The following RSL1D1 variants were observed in gnomAD, a reference collection of about 807,000 sequenced individuals.
The protein encoded by RSL1D1 is ribosomal L1 domain containing 1.
In RSL1D1, 34 loss-of-function variants were observed where a neutral mutation model predicts 44.6. The observed-to-expected ratio is 0.76, with a 90% confidence interval of 0.58 to 1.02. The LOEUF (loss-of-function observed/expected upper bound fraction) is 1.02, where lower values mean the gene tolerates loss of function less well. Among genes scored for constraint, RSL1D1 ranks in the 50% least tolerant of loss-of-function variants. RSL1D1 has a pLI of 0.00. For missense variants in RSL1D1, 767 were observed against 568.1 expected, an observed-to-expected ratio of 1.35 and a Z score of -3.56; for synonymous variants, 271 against 207.4, an observed-to-expected ratio of 1.31 and a Z score of -2.63.
chr16:11,845,422 A>G (rs1249049781), intron 5 of RSL1D1, among the ~76,000 whole-genome samples: 1 of 152,218 alleles, frequency 6.6e-6, no homozygotes, highest in Non-Finnish European at 1.5e-5. Flanking sequence ...CACTGAGTGC[A>G]GTGGCACGAT....
intron 5 of RSL1D1, among the ~76,000 whole-genome samples, chr16:11,845,069 T>C (rs767098452): frequency 3.9e-5 from 6 of 152,160 alleles, no homozygotes; most frequent in Non-Finnish European, 8.8e-5. Context: ...AATAGGCAGA[T>C]GAACAGGATA....
At chr16:11,851,334 G>C (rs531875114) in intron 1 of RSL1D1, 74 bp downstream of exon 1, 33 of 1,401,942 alleles carry the variant, frequency 2.4e-5, no homozygotes, top group East Asian at 1.8e-4. Flanking sequence ...GCACGCACTC[G>C]GGTTCCGGCA....
Position 11,837,765 on chromosome 16 carries a change from C to G in RSL1D1, c.*22G>C, listed in dbSNP as rs764718878. The G allele has an allele frequency of 6.3e-7, 1 of 1,577,358 alleles. No individual in the cohort carries two copies. The highest frequency in any genetic ancestry group is 8.6e-7 in the Non-Finnish European group (1 of 1,160,958). On this transcript the variant is annotated 3_prime_UTR_variant, in exon 9 of 9. Coordinates refer to ENST00000571133, the MANE Select transcript of RSL1D1 (RefSeq NM_015659.3). ...AGCTCTGGAGGCAGCATTGAGGTTT[C>G]CTTCCAGTTGAATCACTGACTTTAG... is the stretch of plus-strand genomic sequence containing the variant.
At chr16:11,847,899 T>C (rs982205113) in intron 2 of RSL1D1, 93 bp from the exon 3 acceptor site, 4 of 1,298,884 alleles carry the variant, frequency 3.1e-6, no homozygotes, top group East Asian at 2.3e-5. Context: ...CTTAGTGTTA[T>C]TTAAATAACT....
At chr16:11,840,418 T>C (rs1399447975) in intron 7 of RSL1D1, among the ~76,000 whole-genome samples, 6 of 151,916 alleles carry the variant, frequency 3.9e-5, no homozygotes, top group African/African-American at 9.7e-5. Flanking sequence ...CCACAAAAAT[T>C]AGCTGGGCAT....
At chr16:11,847,142 G>A (rs944973082) in intron 3 of RSL1D1, among the ~76,000 whole-genome samples, 2 of 152,158 alleles carry the variant, frequency 1.3e-5, no homozygotes, top group Admixed American at 6.6e-5. Flanking sequence ...TTGGGAGGCC[G>A]AGGTGGGTGG....
chr16:11,850,397 G>A lies in RSL1D1; in HGVS notation c.127C>T (p.Leu43Phe). ...TTCCTGGACTTGCAATGCGTCAAGAGAGCGTCCACTGCCTTTCTAACCTGC... is the reference window on the plus strand; with the variant it reads ...TTCCTGGACTTGCAATGCGTCAAGAAAGCGTCCACTGCCTTTCTAACCTGC... ...KEQVRKAVDALLTHCKSRKNN... is the reference protein window; with the variant it reads ...KEQVRKAVDAFLTHCKSRKNN... The change falls in exon 2 of 9, where the codon CTC (leucine) becomes TTC (phenylalanine). Residue 43 changes from leucine to phenylalanine, a missense_variant. By Grantham distance (22) the Leu-to-Phe change is conservative. Transcript: ENST00000571133. 1 of 1,598,472 alleles carries A rather than the reference G, an allele frequency of 6.3e-7. No homozygotes were observed. The highest frequency in any genetic ancestry group is 8.5e-7 in the Non-Finnish European group (1 of 1,176,188).
Position 11,837,868 on chromosome 16 carries a change from G to T in RSL1D1, c.1392C>A (p.Thr464=), listed in dbSNP as rs183741838. Residue 464 remains threonine (T), a synonymous_variant, in exon 9 of 9, where the codon ACC becomes ACA. Transcript: ENST00000571133. ...TPKKPEAKFF[T]TPSKSVRKAS... Reference sequence around the variant, plus strand: ...CTTTTCTCACAGATTTACTAGGAGTGGTGAAAAACTTGGCCTCTGGCTTTT... The same window carrying T: ...CTTTTCTCACAGATTTACTAGGAGTTGTGAAAAACTTGGCCTCTGGCTTTT... 23 of 1,614,024 alleles carry T rather than the reference G, an allele frequency of 1.4e-5. No homozygotes were observed. In the African/African-American group the frequency reaches 2.5e-4, roughly 18 times the overall value.
chr16:11,839,926 C>G lies in RSL1D1; in HGVS notation c.915G>C (p.Lys305Asn), dbSNP rs2053752926. Residue 305 changes from lysine to asparagine, a missense_variant, in exon 8 of 9, where the codon AAG (lysine) becomes AAC (asparagine). By Grantham distance (94) the Lys-to-Asn change is moderately conservative (BLOSUM62 0). Coordinates refer to ENST00000571133, the MANE Select transcript of RSL1D1 (RefSeq NM_015659.3). ...NFEKQKERKK[K>N]RQQARKTASV... ...ATGCAGTCTTCCTAGCCTGCTGCCT[C>G]TTCTTCTTCCTCTCCTTTTGTTTTT... 1.9e-6 allele frequency: 3 copies of G among 1,613,268 alleles called. No homozygotes were observed. Among genetic ancestry groups the G allele is most frequent in the Non-Finnish European group, 1.7e-6 (2 of 1,179,692 alleles).
At chr16:11,849,140 A>G (rs1424208141) in intron 2 of RSL1D1, 1 of 152,220 alleles carries the variant, frequency 6.6e-6, no homozygotes, top group Non-Finnish European at 1.5e-5. Context: ...TAATCCCAAC[A>G]CTTTGGGAGA....
Position 11,838,034 on chromosome 16 carries a change from G to C in RSL1D1, c.1226C>G (p.Ala409Gly), listed in dbSNP as rs779932368. 9.9e-6 allele frequency: 16 copies of C among 1,613,766 alleles called. No homozygotes were observed. The highest frequency in any genetic ancestry group is 1.0e-5 in the Non-Finnish European group (12 of 1,179,982). The change falls in exon 9 of 9, where the codon GCT becomes GGT. Residue 409 changes from alanine (A) to glycine (G), a missense_variant. Ala to Gly is a moderately conservative substitution (Grantham distance 60, BLOSUM62 0). Coordinates refer to ENST00000571133, the MANE Select transcript of RSL1D1 (RefSeq NM_015659.3). ...TTTTGGGGTCTCAGATGCTGGCAAAGCCTTTCTTTTCTTCCCACGAGGTGT... is the reference window on the plus strand; with the variant it reads ...TTTTGGGGTCTCAGATGCTGGCAAACCCTTTCTTTTCTTCCCACGAGGTGT... ...PSTPRGKKRK[A>G]LPASETPKAA...
At position 11,846,738 on chromosome 16, in the gene RSL1D1, GC is replaced by G; in HGVS notation, c.489del (p.Leu164SerfsTer20). ...DFFLTDARIRRLLPSLIGRHF... is the reference protein window; with the variant it reads ...DFFLTDARIRXLLPSLIGRHF... Reference sequence around the variant, plus strand: ...TGTCTCCCAATGAGTGAGGGTAAGAGCCGCCTAATTCTGGCATCAGTAAGGA... The same window carrying G: ...TGTCTCCCAATGAGTGAGGGTAAGAGCGCCTAATTCTGGCATCAGTAAGGA... On this transcript the variant is annotated frameshift_variant, in exon 4 of 9. Transcript: ENST00000571133. LOFTEE classifies it high-confidence loss of function. The G allele has an allele frequency of 6.2e-7, 1 of 1,614,136 alleles. No homozygotes were observed. The highest frequency in any genetic ancestry group is 8.5e-7 in the Non-Finnish European group (1 of 1,179,992).
Position 11,835,618 on chromosome 16 carries a change from CAAG to C in RSL1D1, c.*2166_*2168del, listed in dbSNP as rs1049277261. On this transcript the variant is annotated 3_prime_UTR_variant, in exon 9 of 9. Coordinates refer to ENST00000571133, the MANE Select transcript of RSL1D1 (RefSeq NM_015659.3). Reference sequence around the variant, plus strand: ...AAGCAATCCTCCCACCTCAGCCTCCCAAGAAGCTGGGACCACAGGCATGTTCCA... The same window carrying C: ...AAGCAATCCTCCCACCTCAGCCTCCCAAGCTGGGACCACAGGCATGTTCCA... The C allele has an allele frequency of 2.0e-5, 3 of 152,304 alleles. No individual in the cohort carries two copies. The highest frequency in any genetic ancestry group is 4.4e-5 in the Non-Finnish European group (3 of 68,182). 9.4% of individuals were successfully genotyped at this position (152,304 alleles called of 1,614,324 possible).
chr16:11,836,828 G>A lies in RSL1D1; in HGVS notation c.*959C>T, dbSNP rs2053723800. On this transcript the variant is annotated 3_prime_UTR_variant, in exon 9 of 9. Coordinates refer to ENST00000571133, the MANE Select transcript of RSL1D1 (RefSeq NM_015659.3). ...ACTCTCATACAGCGAGACCCTCACTGGGCCACTCTGGGAATGACTACAAAT... is the reference window on the plus strand; with the variant it reads ...ACTCTCATACAGCGAGACCCTCACTAGGCCACTCTGGGAATGACTACAAAT... 1.3e-5 allele frequency: 2 copies of A among 152,110 alleles called. No homozygotes were observed. Among genetic ancestry groups the A allele is most frequent in the South Asian group, 4.1e-4 (2 of 4,822 alleles). 9.4% of individuals were successfully genotyped at this position (152,110 alleles called of 1,614,324 possible).
In RSL1D1 at chr16:11,838,246, T is replaced by C. The variant is rs185560528; in HGVS notation, c.1147-133A>G. The C allele has an allele frequency of 6.3e-4, 466 of 735,194 alleles. 1 individual carries two copies. Among genetic ancestry groups the C allele is most frequent in the Admixed American group, 1.1e-3 (34 of 30,754 alleles). The allele number at this position is 735,194 out of a possible 1,614,324, so 45.5% of individuals were successfully genotyped here. A position where few individuals can be genotyped will look rare whatever the true frequency, so the allele number is the denominator to read the frequency against. On this transcript the variant is annotated intron_variant, in intron 8 of 8. Transcript: ENST00000571133. ...TTCGCTCTTGCTGCCCATGCTAGAG[T>C]GCAATGGCACAATCTCAGTTCACTG...
At position 11,837,806 on chromosome 16, in the gene RSL1D1, T is replaced by C. The variant is rs1206331302; in HGVS notation, c.1454A>G (p.Lys485Arg). The C allele has an allele frequency of 1.9e-6, 3 of 1,609,630 alleles. No homozygotes were observed. The highest frequency in any genetic ancestry group is 2.5e-6 in the Non-Finnish European group (3 of 1,178,074). ...HTPKKWPKKPKVPQST is the reference protein window; with the variant it reads ...HTPKKWPKKPRVPQST ...CTGACTTTAGGTCGACTGGGGTACT[T>C]TGGGTTTTTTGGGCCATTTTTTGGG... is the stretch of plus-strand genomic sequence containing the variant. Residue 485 changes from lysine (K) to arginine (R), a missense_variant, in exon 9 of 9, where the codon AAA (lysine) becomes AGA (arginine). Lys to Arg is a conservative substitution (Grantham distance 26). Coordinates refer to ENST00000571133, the MANE Select transcript of RSL1D1 (RefSeq NM_015659.3).
chr16:11,837,758 G>C lies in RSL1D1; in HGVS notation c.*29C>G. ...TCCAAAAAGCTCTGGAGGCAGCATT[G>C]AGGTTTCCTTCCAGTTGAATCACTG... On this transcript the variant is annotated 3_prime_UTR_variant, in exon 9 of 9. Transcript: ENST00000571133. 6.4e-7 allele frequency: 1 copy of C among 1,561,668 alleles called. No individual in the cohort carries two copies. The highest frequency in any genetic ancestry group is 8.7e-7 in the Non-Finnish European group (1 of 1,148,878).
chr16:11,850,351 A>G lies in RSL1D1; in HGVS notation c.173T>C (p.Leu58Ser). 1.9e-6 allele frequency: 3 copies of G among 1,602,274 alleles called. No homozygotes were observed. The highest frequency in any genetic ancestry group is 2.5e-6 in the Non-Finnish European group (3 of 1,177,264). Residue 58 changes from leucine to serine, a missense_variant, in exon 2 of 9, where the codon TTG becomes TCG. By Grantham distance (145) the Leu-to-Ser change is moderately radical. Coordinates refer to ENST00000571133, the MANE Select transcript of RSL1D1 (RefSeq NM_015659.3). ...KSRKNNYGLL[L>S]NENESLFLMV... ...TAAAAATAAACTTTCATTCTCATTC[A>G]AAAGCAACCCATAATTGTTTTTCCT...
chr16:11,843,628 G>T (rs2053778427), intron 5 of RSL1D1, among the ~76,000 whole-genome samples: 1 of 151,850 alleles, frequency 6.6e-6, no homozygotes, highest in Non-Finnish European at 1.5e-5. Flanking sequence ...CAGCACGTTG[G>T]GAGGCCAAGG....
Sources: allele counts gnomAD v4.1 joint callset (sites outside exome capture counted in the v4.1 genomes callset), GRCh38; gene constraint gnomAD v4.1.1; transcripts MANE v1.5; gene names NCBI Gene and HGNC (gene_info 2026-07-23, HGNC 2026-07-21).